ARMC2: variants seen among roughly 807,000 people sequenced by gnomAD.
ARMC2 encodes the protein armadillo repeat containing 2.
Under a neutral mutation model 90.3 loss-of-function variants are expected in ARMC2, and 67 were observed. The observed-to-expected ratio is 0.74, with a 90% confidence interval of 0.61 to 0.91. The LOEUF (loss-of-function observed/expected upper bound fraction) is 0.91. ARMC2 is among the 40% of genes least tolerant of loss of function. ARMC2 has a pLI of 0.00. For missense variants in ARMC2, 920 were observed against 1,030.9 expected (o/e 0.89, Z 1.47); for synonymous variants, 393 against 393.0 (o/e 1.00, Z 0.00).
rs1173637475 is a variant in ARMC2 at position 108,901,098 on chromosome 6, A to ATTTT, written c.847+1340_847+1343dup. Among the ~76,000 whole-genome samples, 168 of 59,364 alleles carry ATTTT rather than the reference A, an allele frequency of 2.8e-3. 25 individuals are homozygous for ATTTT. Among genetic ancestry groups the ATTTT allele is most frequent in the African/African-American group, 5.8e-3 (82 of 14,242 alleles). The allele number at this position is 59,364 out of a possible 152,430, so 38.9% of individuals were successfully genotyped here. ...GAAGCCTTCCTACAGGAAAGAAGGAATTTTTTTTTTTTTTTTTTTTTTTTT... is the reference window on the plus strand; with the variant it reads ...GAAGCCTTCCTACAGGAAAGAAGGAATTTTTTTTTTTTTTTTTTTTTTTTTTTTT... On this transcript the variant is annotated intron_variant, in intron 7 of 17. Coordinates refer to ENST00000392644, the MANE Select transcript of ARMC2 (RefSeq NM_032131.6).
Position 108,876,323 on chromosome 6 carries a change from CT to C in ARMC2, c.647del (p.Leu216TyrfsTer27). On this transcript the variant is annotated frameshift_variant, in exon 5 of 18. Transcript: ENST00000392644. LOFTEE classifies it high-confidence loss of function. ...CAAGAAATGTTCAAAGGAACAACAT[CT>C]TTACCATCTCATCTCAAGAATGGAG... Reference protein sequence around the residue: ...KEQEMFKGTTSLPSHLKNGGD... With the variant: ...KEQEMFKGTTXLPSHLKNGGD... The C allele has an allele frequency of 6.2e-7, 1 of 1,612,232 alleles. No homozygotes were observed. Among genetic ancestry groups the C allele is most frequent in the Non-Finnish European group, 8.5e-7 (1 of 1,179,408 alleles).
chr6:108,901,669 G>A (rs765822332), intron 7 of ARMC2, among the ~76,000 whole-genome samples: 9 of 152,070 alleles, frequency 5.9e-5, no homozygotes, highest in African/African-American at 1.4e-4. Context: ...CACCTGCCTC[G>A]GCCTTCCAAA....
the ARMC2 span, chr6:109,001,229 T>C: frequency 1.4e-6 from 2 of 1,391,302 alleles, no homozygotes; most frequent in Non-Finnish European, 2.0e-6. Flanking sequence ...GCATTAACTG[T>C]CTCTTAAAGA....
chr6:108,915,575 A>G (rs1359164134), intron 10 of ARMC2, among the ~76,000 whole-genome samples: 1 of 152,202 alleles, frequency 6.6e-6, no homozygotes, highest in Non-Finnish European at 1.5e-5. Flanking sequence ...AACATCTTCC[A>G]AAGCTGGACC....
chr6:109,001,512 G>GT, the ARMC2 span: 1 of 1,599,364 alleles, frequency 6.3e-7, no homozygotes. Flanking sequence ...AAAAACCATG[G>GT]TTACTGAAAT....
intron 11 of ARMC2, among the ~76,000 whole-genome samples, chr6:108,930,598 T>TC (rs1775457057): frequency 6.9e-6 from 1 of 145,558 alleles, no homozygotes; most frequent in South Asian, 2.3e-4. Context: ...GAATCTTTTT[T>TC]TTTTTTTTTT....
chr6:108,961,649 G>C lies in ARMC2; in HGVS notation c.1993G>C (p.Val665Leu). 6.2e-7 allele frequency: 1 copy of C among 1,611,804 alleles called. No homozygotes were observed. Among genetic ancestry groups the C allele is most frequent in the South Asian group, 1.1e-5 (1 of 90,906 alleles). Residue 665 changes from valine (V) to leucine (L), a missense_variant, in exon 14 of 18, where the codon GTG becomes CTG. Physicochemically the swap from Val to Leu is conservative, Grantham distance 32. Transcript: ENST00000392644. Reference sequence around the variant, plus strand: ...AATCAACAATTTATCTTACTACCAAGTGAAGAATTCCATAATTCAAGACAA... The same window carrying C: ...AATCAACAATTTATCTTACTACCAACTGAAGAATTCCATAATTCAAGACAA... ...ATINNLSYYQ[V>L]KNSIIQDKKL...
At chr6:108,882,342 G>A (rs1777671091) in intron 5 of ARMC2, among the ~76,000 whole-genome samples, 1 of 151,770 alleles carries the variant, frequency 6.6e-6, no homozygotes, top group Non-Finnish European at 1.5e-5. Flanking sequence ...GGGAGGTTGA[G>A]GCAGGAGAAT....
At chr6:108,931,238 G>T (rs921215206) in intron 11 of ARMC2, among the ~76,000 whole-genome samples, 1 of 151,854 alleles carries the variant, frequency 6.6e-6, no homozygotes, top group Admixed American at 6.6e-5. Flanking sequence ...CCATGTTCAC[G>T]CATAAGACTT....
At position 108,894,492 on chromosome 6, in the gene ARMC2, G is replaced by T; in HGVS notation, c.697G>T (p.Ala233Ser). 1 of 1,611,472 alleles carries T rather than the reference G, an allele frequency of 6.2e-7. No individual in the cohort carries two copies. The highest frequency in any genetic ancestry group is 8.5e-7 in the Non-Finnish European group (1 of 1,178,894). The change falls in exon 6 of 18, where the codon GCC (alanine) becomes TCC (serine). Residue 233 changes from alanine to serine, a missense_variant. By Grantham distance (99) the Ala-to-Ser change is moderately conservative (BLOSUM62 1). Transcript: ENST00000392644. ...GGDQGKRHAR[A>S]SSCPSSSDLS... The stretch of plus-strand genomic sequence containing the variant: ...GGACCAGGGGAAGAGACATGCGAGG[G>T]CCTCATCATGCCCCAGTAGCTCAGA...
At chr6:108,918,143 C>T (rs1031503182) in intron 10 of ARMC2, among the ~76,000 whole-genome samples, 1 of 151,940 alleles carries the variant, frequency 6.6e-6, no homozygotes, top group South Asian at 2.1e-4. Flanking sequence ...TGAAATTACC[C>T]AAGGAGAGAG....
chr6:109,020,434 G>A, the ARMC2 span, among the ~76,000 whole-genome samples: 1 of 152,018 alleles, frequency 6.6e-6, no homozygotes, highest in African/African-American at 2.4e-5. Flanking sequence ...TTCTTGCTGT[G>A]GGTAGAAAAT....
chr6:109,047,062 G>A, the ARMC2 span, among the ~76,000 whole-genome samples: 2 of 860 alleles, frequency 2.3e-3, no homozygotes, highest in African/African-American at 0.012. Flanking sequence ...CCCTCCACCC[G>A]GCCAGCCGCC....
chr6:109,029,413 A>T, the ARMC2 span, among the ~76,000 whole-genome samples: 15,237 of 152,216 alleles, frequency 0.1, 927 homozygotes, highest in Middle Eastern at 0.19. Flanking sequence ...TGCTTTATTA[A>T]ATCTTTTTCT....
Position 108,890,500 on chromosome 6 carries a change from G to C in ARMC2, c.672-3967G>C, listed in dbSNP as rs1770897933. Among the ~76,000 whole-genome samples, 2 of 152,082 alleles carry C rather than the reference G, an allele frequency of 1.3e-5. 1 individual carries two copies. Among genetic ancestry groups the C allele is most frequent in the South Asian group, 4.1e-4 (2 of 4,828 alleles). On this transcript the variant is annotated intron_variant, in intron 5 of 17. Transcript: ENST00000392644. ...AGCAATTTGGGAGGCCGAGATGGGA[G>C]GATTGCTTGAGGCCAGGAATTTTAG...
intron 12 of ARMC2, among the ~76,000 whole-genome samples, chr6:108,951,993 A>T (rs1777220589): frequency 6.6e-6 from 1 of 152,252 alleles, no homozygotes; most frequent in African/African-American, 2.4e-5. Context: ...CTGGAATCAA[A>T]TCCTGACCTT....
At chr6:108,921,363 C>G (rs565449875) in intron 10 of ARMC2, among the ~76,000 whole-genome samples, 4 of 152,328 alleles carry the variant, frequency 2.6e-5, no homozygotes, top group Admixed American at 2.6e-4. Context: ...TTAAGGAGGA[C>G]AGAAGCATTT....
At chr6:108,994,424 T>A in the ARMC2 span, 1 of 1,527,494 alleles carries the variant, frequency 6.5e-7, no homozygotes, top group East Asian at 2.3e-5. Context: ...AAGTTGAGTT[T>A]GCAATAATTA....
chr6:108,986,243 C>G, the ARMC2 span, among the ~76,000 whole-genome samples: 1 of 152,164 alleles, frequency 6.6e-6, no homozygotes, highest in Non-Finnish European at 1.5e-5. Flanking sequence ...AGGGCCATAC[C>G]AGTCATTTCC....
Sources: gnomAD v4.1 joint callset for allele counts (sites outside exome capture counted in the v4.1 genomes callset) on GRCh38, gnomAD v4.1.1 for gene constraint, MANE v1.5 for transcripts, NCBI Gene and HGNC (gene_info 2026-07-23, HGNC 2026-07-21) for gene names.